Variants in ANP32B observed in about 807,000 individuals in gnomAD.
ANP32B encodes the protein acidic leucine-rich nuclear phosphoprotein 32 family member B.
Under a neutral mutation model 32.2 loss-of-function variants are expected in ANP32B, and 6 were observed. The observed-to-expected ratio is 0.19, with a 90% CI of 0.10 to 0.37. The LOEUF is 0.37. Ranked by LOEUF, ANP32B falls within the 10% of genes least tolerant of loss-of-function variation. The pLI, the probability that ANP32B is intolerant of heterozygous loss-of-function variation, is 1.00. For missense variants in ANP32B, 204 were observed against 289.2 expected, an observed-to-expected ratio of 0.71 and a Z score of 2.14; for synonymous variants, 98 against 105.8, an observed-to-expected ratio of 0.93 and a Z score of 0.45.
intron 4 of ANP32B, among the ~76,000 whole-genome samples, chr9:98,010,346 G>T (rs1340659511): frequency 6.6e-6 from 1 of 151,536 alleles, no homozygotes; most frequent in Non-Finnish European, 1.5e-5. Flanking sequence ...ACTTGGGGAG[G>T]GTGAGGCAGG....
intron 1 of ANP32B, among the ~76,000 whole-genome samples, chr9:97,984,088 G>A (rs1827653255): frequency 6.7e-6 from 1 of 149,884 alleles, no homozygotes; most frequent in South Asian, 2.1e-4. Flanking sequence ...GGCGGGACGG[G>A]GGCTCTTGTG....
At position 97,983,522 on chromosome 9, in the gene ANP32B, AAAGTT is replaced by A; in HGVS notation, c.-28_-24del. On this transcript the variant is annotated 5_prime_UTR_variant, in exon 1 of 7. Coordinates refer to ENST00000339399, the MANE Select transcript of ANP32B (RefSeq NM_006401.3). ...TCTCCCCCCTCCGCCCCCGCCGCGG[AAAGTT>A]AAGTTTGAAGAGGGGGGAAGAGGGG... 1.9e-6 allele frequency: 3 copies of A among 1,544,358 alleles called. No individual in the cohort carries two copies. The highest frequency in any genetic ancestry group is 1.7e-6 in the Non-Finnish European group (2 of 1,144,204).
chr9:97,985,486 G>C (rs1827710789), intron 1 of ANP32B, among the ~76,000 whole-genome samples: 1 of 152,280 alleles, frequency 6.6e-6, no homozygotes, highest in African/African-American at 2.4e-5. Context: ...CCCAGCTCGC[G>C]CCTCAAAACT....
At chr9:97,997,934 T>A (rs1403850998) in intron 2 of ANP32B, among the ~76,000 whole-genome samples, 1 of 152,220 alleles carries the variant, frequency 6.6e-6, no homozygotes, top group African/African-American at 2.4e-5. Flanking sequence ...TAATAAAGGC[T>A]AGTGCCAGGT....
intron 1 of ANP32B, among the ~76,000 whole-genome samples, chr9:97,987,264 T>C: frequency 6.6e-6 from 1 of 152,196 alleles, no homozygotes; most frequent in East Asian, 1.9e-4. Context: ...GATGGCATTT[T>C]AAAGTAATCT....
intron 1 of ANP32B, among the ~76,000 whole-genome samples, chr9:97,984,214 G>A (rs1454090484): frequency 2.0e-5 from 3 of 150,862 alleles, no homozygotes; most frequent in African/African-American, 7.3e-5. Flanking sequence ...AGGCCTGGGC[G>A]GGCGCGGCCC....
At chr9:98,004,924 C>T in intron 3 of ANP32B, 40 bp from the exon 4 acceptor site, 2 of 1,508,980 alleles carry the variant, frequency 1.3e-6, no homozygotes, top group Non-Finnish European at 1.8e-6. Context: ...ACTTATATTC[C>T]TTTGGTTTAG....
intron 4 of ANP32B, among the ~76,000 whole-genome samples, chr9:98,006,445 T>C (rs1367587744): frequency 8.4e-6 from 1 of 119,420 alleles, no homozygotes; most frequent in Non-Finnish European, 1.6e-5. Context: ...AGTCACAGTT[T>C]TGTTAGGCCC....
intron 1 of ANP32B, among the ~76,000 whole-genome samples, chr9:97,993,004 C>T (rs777727243): frequency 3.3e-5 from 5 of 152,162 alleles, no homozygotes; most frequent in Admixed American, 6.5e-5. Flanking sequence ...ATTCAACCCC[C>T]GGCATATGTC....
In ANP32B at chr9:98,005,085, G is replaced by A. The variant is rs149318680; in HGVS notation, c.449G>A (p.Arg150Gln). 78 of 1,613,918 alleles carry A rather than the reference G, an allele frequency of 4.8e-5. No individual in the cohort carries two copies. In the Middle Eastern group the frequency reaches 4.9e-4, roughly 10 times the overall value. ...PQLTYLDGYD[R>Q]EDQEAPDSDA... The stretch of plus-strand genomic sequence containing the variant: ...CTTACCTACTTGGATGGCTATGACC[G>A]AGAGGACCAGGAAGCACCTGACTCA... The change falls in exon 4 of 7, where the codon CGA becomes CAA. Residue 150 changes from arginine (R) to glutamine (Q), a missense_variant. Physicochemically the swap from Arg to Gln is conservative, Grantham distance 43. Transcript: ENST00000339399.
chr9:98,001,922 G>C (rs1336674906), intron 3 of ANP32B, among the ~76,000 whole-genome samples: 2 of 152,120 alleles, frequency 1.3e-5, no homozygotes, highest in African/African-American at 4.8e-5. Context: ...GGAAGCTAAG[G>C]CTTGGGTGAG....
intron 1 of ANP32B, among the ~76,000 whole-genome samples, chr9:97,988,078 A>C (rs1471914679): frequency 1.3e-5 from 2 of 152,190 alleles, no homozygotes; most frequent in African/African-American, 4.8e-5. Context: ...CAGAATGTTT[A>C]AATTTTTTCT....
intron 1 of ANP32B, chr9:97,986,745 TGTC>T (rs1827741221): frequency 6.6e-6 from 1 of 152,218 alleles, no homozygotes; most frequent in South Asian, 2.1e-4. Flanking sequence ...CCTGCAGACT[TGTC>T]GTGTGGGGTA....
At chr9:97,994,609 C>CT (rs3215934) in intron 1 of ANP32B, 22 bp from the exon 2 acceptor site, 796,700 of 1,583,518 alleles carry the variant, frequency 0.5, 202,905 homozygotes, top group South Asian at 0.58. Flanking sequence ...AGAGCTTATC[C>CT]TTTTTTCTTT....
chr9:97,999,578 A>G (rs1036616096), intron 3 of ANP32B, among the ~76,000 whole-genome samples: 1 of 152,192 alleles, frequency 6.6e-6, no homozygotes, highest in Non-Finnish European at 1.5e-5. Flanking sequence ...TGTAGACTTG[A>G]TGTGTGACCT....
chr9:98,001,689 C>A (rs1194257365), intron 3 of ANP32B, among the ~76,000 whole-genome samples: 2 of 152,094 alleles, frequency 1.3e-5, no homozygotes, highest in East Asian at 3.8e-4. Context: ...TTTTCCTGAT[C>A]TGGTCAGTAA....
chr9:97,992,249 C>G (rs1426554838), intron 1 of ANP32B, among the ~76,000 whole-genome samples: 2 of 152,152 alleles, frequency 1.3e-5, no homozygotes, highest in African/African-American at 2.4e-5. Context: ...GCCACCATGC[C>G]TGGCTTATTT....
At chr9:97,996,906 T>C (rs1383225555) in intron 2 of ANP32B, among the ~76,000 whole-genome samples, 1 of 152,118 alleles carries the variant, frequency 6.6e-6, no homozygotes, top group Non-Finnish European at 1.5e-5. Flanking sequence ...GGCCCACAAA[T>C]TGTTTTTAAC....
Position 98,015,501 on chromosome 9 carries a change from TTAA to T in ANP32B, c.*71_*73del. The T allele has an allele frequency of 6.7e-7, 1 of 1,489,068 alleles. No homozygotes were observed. Among genetic ancestry groups the T allele is most frequent in the Non-Finnish European group, 8.9e-7 (1 of 1,122,840 alleles). The allele number at this position is 1,489,068 out of a possible 1,614,324, so 92.2% of individuals were successfully genotyped here. A position where few individuals can be genotyped will look rare whatever the true frequency, so the allele number is the denominator to read the frequency against. ...GACTGCTCATGGATTTTGTAGCTGT[TTAA>T]AAAAAAAAAAAAGGTAGCTGTGATA... On this transcript the variant is annotated 3_prime_UTR_variant, in exon 7 of 7. Coordinates refer to ENST00000339399, the MANE Select transcript of ANP32B (RefSeq NM_006401.3).
Sources: allele counts gnomAD v4.1 joint callset (sites outside exome capture counted in the v4.1 genomes callset), GRCh38; gene constraint gnomAD v4.1.1; transcripts MANE v1.5; gene names NCBI Gene and HGNC (gene_info 2026-07-23, HGNC 2026-07-21).